The following ZNF138 variants were observed in gnomAD, a reference collection of about 807,000 sequenced individuals.
ZNF138 encodes the protein zinc finger protein 138.
A neutral mutation model predicts 33.0 loss-of-function variants in ZNF138; 33 were observed. The observed-to-expected ratio is 1.00, with a 90% CI of 0.76 to 1.34. The LOEUF is 1.34. Ranked by LOEUF, ZNF138 falls within the 40% of genes most tolerant of loss-of-function variation. ZNF138 has a pLI of 0.00. For synonymous variants in ZNF138, 139 were observed against 120.4 expected (o/e 1.15, Z -1.01); for missense variants, 360 against 370.8 (o/e 0.97, Z 0.24).
intron 1 of ZNF138, among the ~76,000 whole-genome samples, chr7:64,811,378 T>C (rs1788165465): frequency 6.6e-6 from 1 of 152,222 alleles, no homozygotes; most frequent in African/African-American, 2.4e-5. Flanking sequence ...AGAGTGTTGC[T>C]GTTGTCGTCT....
chr7:64,854,646 A>G, the ZNF138 span, among the ~76,000 whole-genome samples: 2 of 152,236 alleles, frequency 1.3e-5, no homozygotes, highest in African/African-American at 4.8e-5. Flanking sequence ...ATGGGATAAA[A>G]CTAGTCAAAA....
chr7:64,832,053 A>G lies in ZNF138; in HGVS notation c.811A>G (p.Ile271Val), dbSNP rs1554370795. 3.1e-6 allele frequency: 5 copies of G among 1,613,992 alleles called. No individual in the cohort carries two copies. The highest frequency in any genetic ancestry group is 4.2e-6 in the Non-Finnish European group (5 of 1,179,932). ...GTCCTCACACCTTACTAGACATAAGATAATTCATACTGAAGAGAAACCCTA... is the reference window on the plus strand; with the variant it reads ...GTCCTCACACCTTACTAGACATAAGGTAATTCATACTGAAGAGAAACCCTA... ...KQSSHLTRHK[I>V]IHTEEKPYKC... Residue 271 changes from isoleucine (I) to valine (V), a missense_variant, in exon 4 of 4, where the codon ATA becomes GTA. Physicochemically the swap from Ile to Val is conservative, Grantham distance 29 (BLOSUM62 3). Coordinates refer to ENST00000307355, the MANE Select transcript of ZNF138 (RefSeq NM_001271639.2).
intron 3 of ZNF138, among the ~76,000 whole-genome samples, chr7:64,818,756 A>G (rs1007652115): frequency 1.2e-4 from 18 of 152,046 alleles, no homozygotes; most frequent in Non-Finnish European, 2.5e-4. Context: ...TCTAAAAAAA[A>G]AAAAAAAAGT....
the ZNF138 span, among the ~76,000 whole-genome samples, chr7:64,845,503 T>A: frequency 6.6e-6 from 1 of 152,240 alleles, no homozygotes; most frequent in Non-Finnish European, 1.5e-5. Context: ...ATCTCCACAC[T>A]CTTTTTCATA....
chr7:64,849,003 T>TG, the ZNF138 span, among the ~76,000 whole-genome samples: 1 of 152,200 alleles, frequency 6.6e-6, no homozygotes, highest in African/African-American at 2.4e-5. Flanking sequence ...CACACCTGGC[T>TG]GGGGGGAATG....
At chr7:64,821,723 T>C (rs2129008054) in intron 3 of ZNF138, among the ~76,000 whole-genome samples, 1 of 150,330 alleles carries the variant, frequency 6.7e-6, no homozygotes, top group South Asian at 2.1e-4. Flanking sequence ...ATTTTTGTAT[T>C]TTTAGTGGAG....
chr7:64,838,241 C>T (rs1043061398), downstream of ZNF138, among the ~76,000 whole-genome samples: 9 of 152,152 alleles, frequency 5.9e-5, no homozygotes, highest in Middle Eastern at 3.2e-3. Flanking sequence ...ACACAGCGGC[C>T]GCTCCGAGGC....
intron 3 of ZNF138, among the ~76,000 whole-genome samples, chr7:64,826,980 AG>A (rs1296458869): frequency 1.3e-5 from 2 of 151,862 alleles, no homozygotes; most frequent in Non-Finnish European, 2.9e-5. Context: ...AAGAAGTTTA[AG>A]GGTTTTATGC....
chr7:64,830,698 G>A (rs1790010590), intron 3 of ZNF138, among the ~76,000 whole-genome samples: 1 of 151,802 alleles, frequency 6.6e-6, no homozygotes, highest in Non-Finnish European at 1.5e-5. Context: ...CTAATATTTT[G>A]TATACATTGT....
intron 1 of ZNF138, among the ~76,000 whole-genome samples, chr7:64,803,262 T>TGA (rs1787300647): frequency 6.6e-6 from 1 of 151,192 alleles, no homozygotes; most frequent in Non-Finnish European, 1.5e-5. Flanking sequence ...GCAAAGGTTT[T>TGA]TTTTTTTTTT....
At chr7:64,823,314 A>G (rs6460188) in intron 3 of ZNF138, among the ~76,000 whole-genome samples, 149,972 of 152,178 alleles carry the variant, frequency 0.99, 73,936 homozygotes, top group East Asian at 1. Context: ...GAAAACACAC[A>G]GTGTATGATT....
the ZNF138 span, among the ~76,000 whole-genome samples, chr7:64,846,837 C>CA: frequency 6.6e-6 from 1 of 152,226 alleles, no homozygotes; most frequent in South Asian, 2.1e-4. Context: ...TGTCTTGTTC[C>CA]AGTTCTCAGA....
chr7:64,858,657 G>C, the ZNF138 span, among the ~76,000 whole-genome samples: 1 of 152,100 alleles, frequency 6.6e-6, no homozygotes, highest in Non-Finnish European at 1.5e-5. Flanking sequence ...TTCACCCCCT[G>C]TCGCAGGCAA....
intron 1 of ZNF138, among the ~76,000 whole-genome samples, chr7:64,810,503 A>G (rs1372355824): frequency 2.7e-5 from 4 of 150,832 alleles, no homozygotes; most frequent in African/African-American, 2.4e-5. Flanking sequence ...TGCCTTGCTA[A>G]GAATACTTAT....
chr7:64,811,672 A>G (rs749645372), intron 1 of ZNF138, among the ~76,000 whole-genome samples: 3 of 152,156 alleles, frequency 2.0e-5, no homozygotes, highest in Non-Finnish European at 4.4e-5. Flanking sequence ...TTGTTCTGTA[A>G]ACTTAAAAGA....
the ZNF138 span, among the ~76,000 whole-genome samples, chr7:64,859,140 C>G: frequency 7.9e-5 from 12 of 152,112 alleles, no homozygotes; most frequent in African/African-American, 2.9e-4. Flanking sequence ...GTTGGCCAGG[C>G]TGGTCTTGAA....
the ZNF138 span, among the ~76,000 whole-genome samples, chr7:64,847,332 A>ATATATTTTT: frequency 7.8e-6 from 1 of 128,128 alleles, no homozygotes; most frequent in African/African-American, 3.0e-5. Flanking sequence ...ATATATATAT[A>ATATATTTTT]TTTTTTTTTT....
intron 3 of ZNF138, among the ~76,000 whole-genome samples, chr7:64,826,552 A>T (rs1312602368): frequency 6.6e-6 from 1 of 152,152 alleles, no homozygotes; most frequent in Non-Finnish European, 1.5e-5. Context: ...AAGTGCTGAG[A>T]TTACAGGTGT....
the ZNF138 span, among the ~76,000 whole-genome samples, chr7:64,857,682 AGAATTTTATTTTATCAGT>A: frequency 6.6e-6 from 1 of 151,412 alleles, no homozygotes; most frequent in African/African-American, 2.4e-5. Flanking sequence ...AAAAAAAAAA[AGAATTTTATTTTATCAGT>A]AAATTTAGAG....
Sources: allele counts gnomAD v4.1 joint callset (sites outside exome capture counted in the v4.1 genomes callset), GRCh38; gene constraint gnomAD v4.1.1; transcripts MANE v1.5; gene names NCBI Gene and HGNC (gene_info 2026-07-23, HGNC 2026-07-21).